The following MCF2L variants were observed in gnomAD, a reference collection of about 807,000 sequenced individuals.
The protein encoded by MCF2L is MCF.2 cell line derived transforming sequence like.
A neutral mutation model predicts 153.4 loss-of-function variants in MCF2L; 97 were observed. That is an observed-to-expected ratio of 0.63 (90% CI 0.54 to 0.75). The LOEUF (loss-of-function observed/expected upper bound fraction) is 0.75. Among genes scored for constraint, MCF2L ranks in the 30% least tolerant of loss-of-function variants. MCF2L has a pLI of 0.00. For missense variants in MCF2L, 1,347 were observed against 1,495.2 expected (o/e 0.90, Z 1.64); for synonymous variants, 659 against 632.2 (o/e 1.04, Z -0.64).
Position 113,014,866 on chromosome 13 carries a change from A to G in MCF2L, c.163+20A>G. ...TGTCCGGTGAGTTCCAGAAGCTGGG[A>G]TGGGGTGGAGAGGGAGGGGTCTGGG... On this transcript the variant is annotated intron_variant, in intron 2 of 29. Transcript: ENST00000535094. 1 of 1,592,068 alleles carries G rather than the reference A, an allele frequency of 6.3e-7. No homozygotes were observed. Among genetic ancestry groups the G allele is most frequent in the Non-Finnish European group, 8.6e-7 (1 of 1,161,696 alleles).
chr13:113,065,223 C>A, intron 7 of MCF2L, 138 bp downstream of exon 7: 1 of 1,041,160 alleles, frequency 9.6e-7, no homozygotes, highest in Non-Finnish European at 1.4e-6. Context: ...ACCAAGAAGT[C>A]AGCAGGCTTG....
chr13:113,096,591 C>G lies in MCF2L; in HGVS notation c.3230C>G (p.Pro1077Arg), dbSNP rs140657264. 32,075 of 1,603,318 alleles carry G rather than the reference C, an allele frequency of 0.02. 385 individuals carry two copies. Among genetic ancestry groups the G allele is most frequent in the Non-Finnish European group, 0.024 (28,244 of 1,178,250 alleles). ...ACCACTGGCAAGGAGGGCTGGGTGCCGGCCAGCAGCCTGTCCGTCCGGCTC... is the reference window on the plus strand; with the variant it reads ...ACCACTGGCAAGGAGGGCTGGGTGCGGGCCAGCAGCCTGTCCGTCCGGCTC... ...DPTTGKEGWV[P>R]ASSLSVRLGP... Residue 1077 changes from proline to arginine, a missense_variant, in exon 29 of 30, where the codon CCG becomes CGG. By Grantham distance (103) the Pro-to-Arg change is moderately radical (BLOSUM62 -2). Around this residue, in one of 3 missense-constraint regions of MCF2L, gnomAD observed 383 missense variants for 335.4 expected, o/e 1.14. Transcript: ENST00000535094.
chr13:113,081,953 C>T (rs7992096), intron 16 of MCF2L, among the ~76,000 whole-genome samples: 26,051 of 148,958 alleles, frequency 0.17, 2,758 homozygotes, highest in East Asian at 0.48. Context: ...TGAGTGTAGA[C>T]AGCGAGTGTG....
chr13:113,013,794 C>T (rs1325398293), intron 1 of MCF2L, among the ~76,000 whole-genome samples: 1 of 152,198 alleles, frequency 6.6e-6, no homozygotes, highest in Non-Finnish European at 1.5e-5. Flanking sequence ...GTGTCTGCTC[C>T]GTGGTCAGTG....
intron 3 of MCF2L, among the ~76,000 whole-genome samples, chr13:113,030,378 G>C (rs1048689618): frequency 1.4e-5 from 2 of 146,096 alleles, no homozygotes; most frequent in African/African-American, 5.2e-5. Flanking sequence ...CGCAGGTGTG[G>C]GCCCTCGGGT....
intron 1 of MCF2L, chr13:112,902,136 C>A: frequency 7.2e-7 from 1 of 1,380,952 alleles, no homozygotes; most frequent in Non-Finnish European, 1.0e-6. Flanking sequence ...TTGTTCAGAG[C>A]AACAGTTCTT....
chr13:112,937,991 A>AATTG (rs2081535855), intron 2 of MCF2L, among the ~76,000 whole-genome samples: 1 of 10,806 alleles, frequency 9.3e-5, no homozygotes, highest in Non-Finnish European at 2.0e-4. Flanking sequence ...GGTGAGCGCT[A>AATTG]ATTGGTTGGT....
At chr13:112,957,195 A>G (rs774472295) in intron 2 of MCF2L, 1 of 152,198 alleles carries the variant, frequency 6.6e-6, no homozygotes, top group Non-Finnish European at 1.5e-5. Context: ...CCTGCTGCTC[A>G]CAGACAGTAC....
chr13:112,960,299 C>T lies in MCF2L; in HGVS notation c.170-54464C>T, dbSNP rs11620061. Among the ~76,000 whole-genome samples the T allele has an allele frequency of 0.26, 39,588 of 152,048 alleles. 5,758 individuals are homozygous for T. The highest frequency in any genetic ancestry group is 0.33 in the Non-Finnish European group (22,221 of 67,952). The stretch of plus-strand genomic sequence containing the variant: ...GGAGAGACCGAGAGGGGGCCAAGCG[C>T]GCTCTCACAACTGAAACAGCGCTCG... On this transcript the variant is annotated intron_variant, in intron 2 of 29. Transcript: ENST00000375608. The surrounding 1 kb of genome is among the most constrained non-coding windows in gnomAD (Gnocchi z 4.2).
intron 9 of MCF2L, among the ~76,000 whole-genome samples, chr13:113,071,790 C>T (rs1210371967): frequency 6.6e-6 from 1 of 152,240 alleles, no homozygotes; most frequent in African/African-American, 2.4e-5. Context: ...GTCTTGAAAT[C>T]AAGTACACTC....
chr13:113,031,764 C>G lies in MCF2L; in HGVS notation c.278+7006C>G, dbSNP rs1481732676. Reference sequence around the variant, plus strand: ...CTCCCAGCTCCTTGGGAGGTAGGGACTCCATCTACCAGCCAGCTTGCCGGG... The same window carrying G: ...CTCCCAGCTCCTTGGGAGGTAGGGAGTCCATCTACCAGCCAGCTTGCCGGG... On this transcript the variant is annotated intron_variant, in intron 3 of 29. Transcript: ENST00000535094. This position sits in a 1 kb window ranked among gnomAD's most constrained non-coding sequence, Gnocchi z 5.5. 6.6e-6 allele frequency among the ~76,000 whole-genome samples: 1 copy of G among 152,066 alleles called. No homozygotes were observed.
rs149169648 is a variant in MCF2L at position 113,077,058 on chromosome 13, G to T, written c.1507G>T (p.Val503Leu). ...SILNQDLMEH[V>L]RKVFQKQASM... ...ACTGAGCATGCGGTTTCAGGAGCACGTGCGAAAGGTCTTCCAGAAGCAGGC... is the reference window on the plus strand; with the variant it reads ...ACTGAGCATGCGGTTTCAGGAGCACTTGCGAAAGGTCTTCCAGAAGCAGGC... Residue 503 changes from valine to leucine, a missense_variant, in exon 13 of 30, where the codon GTG becomes TTG. Val to Leu is a conservative substitution (Grantham distance 32). Transcript: ENST00000535094. 1 of 1,610,938 alleles carries T rather than the reference G, an allele frequency of 6.2e-7. No homozygotes were observed. The highest frequency in any genetic ancestry group is 1.7e-5 in the Admixed American group (1 of 59,686).
chr13:113,071,515 A>G (rs1001780291), intron 9 of MCF2L, among the ~76,000 whole-genome samples: 1 of 152,198 alleles, frequency 6.6e-6, no homozygotes, highest in Admixed American at 6.5e-5. Flanking sequence ...ATAGTTTTAC[A>G]TTGAAGTCTA....
intron 27 of MCF2L, chr13:113,095,294 G>T: frequency 1.7e-6 from 2 of 1,178,808 alleles, no homozygotes; most frequent in Non-Finnish European, 2.1e-6. Context: ...AGGTCCCGGA[G>T]GCTCTGGAAG....
intron 2 of MCF2L, chr13:112,957,173 C>G (rs1351157620): frequency 6.6e-6 from 1 of 152,144 alleles, no homozygotes; most frequent in African/African-American, 2.4e-5. Flanking sequence ...GGAGAATCCT[C>G]CCCTACCGGC....
At chr13:112,968,701 C>G, upstream of MCF2L, 1 of 1,413,528 alleles carries the variant, frequency 7.1e-7, no homozygotes, top group Non-Finnish European at 9.2e-7. Context: ...ACACCTGCCA[C>G]GGGGCGGCCG....
At chr13:113,061,659 G>A (rs961319673) in intron 5 of MCF2L, among the ~76,000 whole-genome samples, 2 of 148,508 alleles carry the variant, frequency 1.3e-5, no homozygotes, top group East Asian at 4.0e-4. Flanking sequence ...AAACGGCCTG[G>A]GGCCTTTCCC....
upstream of MCF2L, among the ~76,000 whole-genome samples, chr13:112,967,057 C>A (rs188632740): frequency 3.9e-4 from 60 of 152,148 alleles, no homozygotes; most frequent in African/African-American, 1.4e-3. Flanking sequence ...TGGCCTAGGG[C>A]CGTGTGGGCT....
chr13:112,903,323 G>A (rs1311533297), intron 2 of MCF2L, among the ~76,000 whole-genome samples: 1 of 152,206 alleles, frequency 6.6e-6, no homozygotes, highest in African/African-American at 2.4e-5. Context: ...GGGAGTTGCT[G>A]GGTCAAGGCA....
Sources: allele counts gnomAD v4.1 joint callset (sites outside exome capture counted in the v4.1 genomes callset), GRCh38; gene constraint gnomAD v4.1.1; regional missense constraint gnomAD v4.1.1; non-coding constraint Gnocchi (gnomAD v3.1); transcripts MANE v1.5; gene names NCBI Gene and HGNC (gene_info 2026-07-23, HGNC 2026-07-21).